Variants in LPIN1 observed in about 807,000 individuals in gnomAD.
The protein encoded by LPIN1 is lipin 1.
LPIN1 carries 71 observed loss-of-function variants against 107.5 expected under a neutral mutation model. The ratio of observed to expected loss-of-function variants is 0.66; its 90% CI spans 0.55 to 0.80. The LOEUF (loss-of-function observed/expected upper bound fraction) is 0.80, where lower values mean the gene tolerates loss of function less well. Ranked by LOEUF, LPIN1 falls within the 30% of genes least tolerant of loss-of-function variation. LPIN1 has a pLI of 0.00. For synonymous variants in LPIN1, 445 were observed against 452.6 expected, an observed-to-expected ratio of 0.98 and a Z score of 0.21; for missense variants, 1,043 against 1,160.6, an observed-to-expected ratio of 0.90 and a Z score of 1.47.
chr2:11,702,794 GTC>G (rs1316202369), intron 1 of LPIN1, among the ~76,000 whole-genome samples: 1 of 152,076 alleles, frequency 6.6e-6, no homozygotes, highest in Non-Finnish European at 1.5e-5. Context: ...GCCTCTCCCT[GTC>G]TCTCTGTCTC....
At position 11,714,776 on chromosome 2, in the gene LPIN1, C is replaced by T. The variant is rs538171820; in HGVS notation, c.138+964C>T. Among the ~76,000 whole-genome samples the T allele has an allele frequency of 4.0e-4, 61 of 152,280 alleles. No homozygotes were observed. In the South Asian group the frequency reaches 0.012, roughly 29 times the overall value. On this transcript the variant is annotated intron_variant, in intron 2 of 21. Coordinates refer to the LPIN1 transcript ENST00000449576. ...TGGCCTGGTCCAAGCCTTGTGGCTA[C>T]GGAACAAAAGTAACACTTAGTCTCC... is the stretch of plus-strand genomic sequence containing the variant.
rs878972035 is a variant in LPIN1 at position 11,773,810 on chromosome 2, C to G, written c.722+65C>G. ...TAGAAGTCAGTGATAGGAAGCAATT[C>G]TAAGAAAAGAATGAAATAGAAATGA... On this transcript the variant is annotated intron_variant, in intron 5 of 20. Transcript: ENST00000674199. 57 of 1,555,004 alleles carry G rather than the reference C, an allele frequency of 3.7e-5. 1 individual carries two copies. In the South Asian group the frequency reaches 4.6e-4, roughly 12 times the overall value.
At chr2:11,821,848 G>C (rs1214048996) in intron 20 of LPIN1, among the ~76,000 whole-genome samples, 1 of 152,198 alleles carries the variant, frequency 6.6e-6, no homozygotes, top group Admixed American at 6.5e-5. Context: ...AGAGAGAGGG[G>C]AGGCTGGAGC....
chr2:11,712,093 C>T (rs550337335), intron 1 of LPIN1, among the ~76,000 whole-genome samples: 13 of 152,260 alleles, frequency 8.5e-5, no homozygotes, highest in Non-Finnish European at 1.6e-4. Flanking sequence ...GCGAGGCCTT[C>T]GCCATGCCGG....
intron 1 of LPIN1, among the ~76,000 whole-genome samples, chr2:11,683,846 T>A (rs1661859917): frequency 6.6e-6 from 1 of 152,222 alleles, no homozygotes; most frequent in African/African-American, 2.4e-5. Flanking sequence ...GAATCCTGGC[T>A]CTGCTGCTTC....
chr2:11,749,307 A>G (rs1667439958), intron 1 of LPIN1, among the ~76,000 whole-genome samples: 1 of 152,126 alleles, frequency 6.6e-6, no homozygotes, highest in Admixed American at 6.5e-5. Context: ...TCGAGGGGAC[A>G]CACCCACACT....
chr2:11,700,609 G>A (rs1307939853), intron 1 of LPIN1, among the ~76,000 whole-genome samples: 1 of 152,198 alleles, frequency 6.6e-6, no homozygotes, highest in Non-Finnish European at 1.5e-5. Context: ...ATAAGGAAGG[G>A]TGAGGGCCTT....
intron 1 of LPIN1, among the ~76,000 whole-genome samples, chr2:11,693,788 G>GTATA (rs869167624): frequency 7.6e-4 from 31 of 40,990 alleles, no homozygotes; most frequent in African/African-American, 2.7e-3. Context: ...GTGTGAGTGT[G>GTATA]TATATATATA....
intron 12 of LPIN1, among the ~76,000 whole-genome samples, chr2:11,791,366 A>G (rs1014727146): frequency 1.3e-5 from 2 of 152,232 alleles, no homozygotes; most frequent in Non-Finnish European, 2.9e-5. Context: ...TCTCCCCATT[A>G]AACCCATTTA....
In LPIN1 at chr2:11,824,882, G is replaced by A; in HGVS notation, c.*91G>A. The stretch of plus-strand genomic sequence containing the variant: ...CCCCGGAGTGCACAGCTCCACCTGG[G>A]AGCCTGGCGCGTCATCATTGGCCTG... On this transcript the variant is annotated 3_prime_UTR_variant, in exon 21 of 21. Transcript: ENST00000674199. 1 of 1,455,648 alleles carries A rather than the reference G, an allele frequency of 6.9e-7. No homozygotes were observed. The highest frequency in any genetic ancestry group is 9.6e-7 in the Non-Finnish European group (1 of 1,044,786). The allele number at this position is 1,455,648 out of a possible 1,614,324, so 90.2% of individuals were successfully genotyped here.
intron 1 of LPIN1, among the ~76,000 whole-genome samples, chr2:11,706,168 G>C (rs973610545): frequency 8.5e-5 from 13 of 152,184 alleles, no homozygotes; most frequent in Admixed American, 7.2e-4. Context: ...AAATTGCCCA[G>C]TCTTGGGTAT....
upstream of LPIN1, among the ~76,000 whole-genome samples, chr2:11,742,350 G>C (rs1040132665): frequency 6.6e-6 from 1 of 152,164 alleles, no homozygotes; most frequent in African/African-American, 2.4e-5. Context: ...TCCTATCTAA[G>C]GAAGGGGGGA....
chr2:11,716,995 G>T (rs1663791469), intron 2 of LPIN1, among the ~76,000 whole-genome samples: 1 of 151,968 alleles, frequency 6.6e-6, no homozygotes. Flanking sequence ...ACCATATTTT[G>T]CTTATTTCTT....
At chr2:11,779,859 A>G (rs1342742718) in intron 7 of LPIN1, among the ~76,000 whole-genome samples, 1 of 151,712 alleles carries the variant, frequency 6.6e-6, no homozygotes, top group South Asian at 2.1e-4. Context: ...TTTTAAACCT[A>G]TGGGATTCCT....
chr2:11,697,169 T>C lies in LPIN1; in HGVS notation c.82-16587T>C, dbSNP rs1662629144. 6.6e-6 allele frequency among the ~76,000 whole-genome samples: 1 copy of C among 152,242 alleles called. No individual in the cohort carries two copies. Among genetic ancestry groups the C allele is most frequent in the Admixed American group, 6.5e-5 (1 of 15,290 alleles). On this transcript the variant is annotated intron_variant, in intron 1 of 21. Transcript: ENST00000449576. This position sits in a 1 kb window ranked among gnomAD's most constrained non-coding sequence, Gnocchi z 4.6. ...TTTCTGTGGGGCCCTGGGCTTGTTC[T>C]GCATTGTTTCTAAGAGGAGCTGCCA...
chr2:11,747,255 C>T (rs1485699373), intron 1 of LPIN1, among the ~76,000 whole-genome samples: 1 of 152,220 alleles, frequency 6.6e-6, no homozygotes, highest in Non-Finnish European at 1.5e-5. Context: ...CTCTCCCCTG[C>T]GAGGCCTCTG....
chr2:11,799,146 G>A (rs1677241344), intron 14 of LPIN1, among the ~76,000 whole-genome samples: 1 of 152,136 alleles, frequency 6.6e-6, no homozygotes. Flanking sequence ...CTTGCCCTAA[G>A]CCGAAACCAC....
chr2:11,747,379 G>C (rs1326750038), intron 1 of LPIN1, among the ~76,000 whole-genome samples: 2 of 152,168 alleles, frequency 1.3e-5, no homozygotes, highest in Non-Finnish European at 2.9e-5. Flanking sequence ...GTAACGTTTT[G>C]GGAGTAACTT....
At chr2:11,787,954 AAG>A (rs1220844605) in intron 11 of LPIN1, among the ~76,000 whole-genome samples, 1 of 151,992 alleles carries the variant, frequency 6.6e-6, no homozygotes, top group Non-Finnish European at 1.5e-5. Flanking sequence ...AAAAAAAAAA[AAG>A]AAAAGAAAAA....
Sources: allele counts gnomAD v4.1 joint callset (sites outside exome capture counted in the v4.1 genomes callset), GRCh38; gene constraint gnomAD v4.1.1; non-coding constraint Gnocchi (gnomAD v3.1); transcripts MANE v1.5; gene names NCBI Gene and HGNC (gene_info 2026-07-23, HGNC 2026-07-21).